Variants in GIMAP2 observed in about 807,000 individuals in gnomAD.
GIMAP2 encodes the protein GTPase IMAP family member 2.
GIMAP2 carries 22 observed loss-of-function variants against 25.5 expected under a neutral mutation model. The ratio of observed to expected loss-of-function variants is 0.86; its 90% CI spans 0.62 to 1.23. GIMAP2 has a LOEUF of 1.23. GIMAP2 is among the 50% of genes most tolerant of loss of function. The probability of loss-of-function intolerance (pLI) is 0.00; values close to 1 mark genes in which losing one functional copy is unlikely to be tolerated. For missense variants in GIMAP2, 422 were observed against 395.7 expected (o/e 1.07, Z -0.56); for synonymous variants, 167 against 143.0 (o/e 1.17, Z -1.20).
chr7:150,692,728 A>G lies in GIMAP2; in HGVS notation c.442A>G (p.Lys148Glu), dbSNP rs375623579. 5 of 1,614,060 alleles carry G rather than the reference A, an allele frequency of 3.1e-6. No individual in the cohort carries two copies. The African/African-American group carries it at 4.0e-5, about 13-fold the overall frequency. ...ACACACAATTGTCCTCTTTACCCACAAGGAAGACCTCAATGGTGGCTCCCT... is the reference window on the plus strand; with the variant it reads ...ACACACAATTGTCCTCTTTACCCACGAGGAAGACCTCAATGGTGGCTCCCT... ...MGHTIVLFTHKEDLNGGSLMD... is the reference protein window; with the variant it reads ...MGHTIVLFTHEEDLNGGSLMD... The change falls in exon 3 of 3, where the codon AAG becomes GAG. Residue 148 changes from lysine (K) to glutamate (E), a missense_variant. Lys to Glu is a moderately conservative substitution (Grantham distance 56, BLOSUM62 1). Transcript: ENST00000223293.
chr7:150,686,382 G>A (rs1796900483), intron 1 of GIMAP2, among the ~76,000 whole-genome samples: 1 of 152,126 alleles, frequency 6.6e-6, no homozygotes, highest in Admixed American at 6.6e-5. Flanking sequence ...GGAGGACTGA[G>A]CCTAAGGTGT....
intron 2 of GIMAP2, among the ~76,000 whole-genome samples, chr7:150,688,478 A>C (rs879610302): frequency 6.6e-6 from 1 of 152,222 alleles, no homozygotes; most frequent in Non-Finnish European, 1.5e-5. Flanking sequence ...CTTTCTGATT[A>C]ATAGAGACTA....
At position 150,692,825 on chromosome 7, in the gene GIMAP2, G is replaced by A. The variant is rs1052411631; in HGVS notation, c.539G>A (p.Cys180Tyr). Residue 180 changes from cysteine (C) to tyrosine (Y), a missense_variant, in exon 3 of 3, where the codon TGT becomes TAT. By Grantham distance (194) the Cys-to-Tyr change is radical. Coordinates refer to ENST00000223293, the MANE Select transcript of GIMAP2 (RefSeq NM_015660.3). ...GTGGCAGCATGTGGTGGGCGAATCT[G>A]TGCCTTTAATAACCGTGCTGAAGGG... ...KLVAACGGRI[C>Y]AFNNRAEGSN... is the part of the protein sequence containing the mutation. 6.8e-6 allele frequency: 11 copies of A among 1,614,110 alleles called. No homozygotes were observed. The highest frequency in any genetic ancestry group is 8.5e-6 in the Non-Finnish European group (10 of 1,180,048).
intron 2 of GIMAP2, among the ~76,000 whole-genome samples, chr7:150,690,643 G>C (rs986342535): frequency 6.6e-6 from 1 of 152,174 alleles, no homozygotes; most frequent in Admixed American, 6.5e-5. Flanking sequence ...CTATAAGGAG[G>C]TTGCTATAAA....
At chr7:150,686,960 A>ATG in intron 1 of GIMAP2, 92 bp from the exon 2 acceptor site, 3 of 450,102 alleles carry the variant, frequency 6.7e-6, no homozygotes, top group Non-Finnish European at 1.1e-5. Context: ...AAAAAAAAAA[A>ATG]AAAGAAAGAA....
At chr7:150,685,877 C>A in intron 1 of GIMAP2, 92 bp downstream of exon 1, 1 of 371,612 alleles carries the variant, frequency 2.7e-6, no homozygotes, top group Non-Finnish European at 3.7e-6. Flanking sequence ...ACAAATTTGT[C>A]CTATTTTAAG....
In GIMAP2 at chr7:150,692,305, C is replaced by G. The variant is rs755377156; in HGVS notation, c.29-10C>G. 24 of 1,609,358 alleles carry G rather than the reference C, an allele frequency of 1.5e-5. No homozygotes were observed. The highest frequency in any genetic ancestry group is 2.0e-5 in the Non-Finnish European group (24 of 1,176,244). ...GTGTAGCGATAACACAGTAAACTTG[C>G]TCCTCACAGGACCACATGCAAAGGG... is the stretch of plus-strand genomic sequence containing the variant. On this transcript the variant is annotated splice_polypyrimidine_tract_variant and intron_variant, in intron 2 of 2. Coordinates refer to ENST00000223293, the MANE Select transcript of GIMAP2 (RefSeq NM_015660.3).
intron 2 of GIMAP2, among the ~76,000 whole-genome samples, chr7:150,691,510 A>G (rs1448096363): frequency 6.6e-6 from 1 of 152,310 alleles, no homozygotes; most frequent in Middle Eastern, 3.4e-3. Flanking sequence ...TATCCTTTAT[A>G]AGATATCAGT....
rs1234844798 is a variant in GIMAP2 at position 150,687,354 on chromosome 7, C to T, written c.28+267C>T. ...GTGGCGCAATCTCGGCTCACTGCAA[C>T]CTCCACCTCCCAGGTTCAAGTGATT... On this transcript the variant is annotated intron_variant, in intron 2 of 2. Transcript: ENST00000223293. The T allele has an allele frequency of 1.2e-5, 4 of 335,690 alleles. No individual in the cohort carries two copies. The East Asian group carries it at 1.9e-4, about 16-fold the overall frequency. 20.8% of individuals were successfully genotyped at this position (335,690 alleles called of 1,614,324 possible). A position where few individuals can be genotyped will look rare whatever the true frequency, so the allele number is the denominator to read the frequency against.
rs73476573 is a variant in GIMAP2, at chr7:150,693,357, T to G, written c.*57T>G. On this transcript the variant is annotated 3_prime_UTR_variant, in exon 3 of 3. Transcript: ENST00000223293. ...CATTTAGTGGGTGAATCACAGTAATTTCCCTGTAAAATGTGGTACCTGAAG... is the reference window on the plus strand; with the variant it reads ...CATTTAGTGGGTGAATCACAGTAATGTCCCTGTAAAATGTGGTACCTGAAG... The G allele has an allele frequency of 3.1e-3, 3,636 of 1,189,644 alleles. 80 individuals are homozygous for G. The African/African-American group carries it at 0.048, about 16-fold the overall frequency. The allele number at this position is 1,189,644 out of a possible 1,614,324, so 73.7% of individuals were successfully genotyped here.
chr7:150,689,807 C>T (rs967043289), intron 2 of GIMAP2: 2 of 398,214 alleles, frequency 5.0e-6, no homozygotes, highest in Non-Finnish European at 8.9e-6. Flanking sequence ...GTTCAAATGC[C>T]AGCTTTTTCA....
intron 2 of GIMAP2, 38 bp downstream of exon 2, chr7:150,687,125 T>C (rs763259699): frequency 7.0e-6 from 7 of 1,002,840 alleles, no homozygotes; most frequent in Middle Eastern, 2.5e-4. Context: ...TGTGTGTGTG[T>C]GTGTGTGTGT....
Position 150,692,962 on chromosome 7 carries a change from A to G in GIMAP2, c.676A>G (p.Lys226Glu). The change falls in exon 3 of 3, where the codon AAA becomes GAA. Residue 226 changes from lysine to glutamate, a missense_variant. By Grantham distance (56) the Lys-to-Glu change is moderately conservative (BLOSUM62 1). Coordinates refer to ENST00000223293, the MANE Select transcript of GIMAP2 (RefSeq NM_015660.3). ...GTTGTACAGCCTAATACAGAGGTCT[A>G]AATGTGGACCTGTGGGATCAGATGA... is the stretch of plus-strand genomic sequence containing the variant. ...NGLYSLIQRS[K>E]CGPVGSDERV... 6.2e-7 allele frequency: 1 copy of G among 1,614,132 alleles called. No homozygotes were observed. Among genetic ancestry groups the G allele is most frequent in the Non-Finnish European group, 8.5e-7 (1 of 1,179,944 alleles).
chr7:150,687,226 C>A (rs1385170684), intron 2 of GIMAP2, 139 bp downstream of exon 2: 7 of 697,410 alleles, frequency 1.0e-5, no homozygotes, highest in South Asian at 1.9e-5. Context: ...CCACAGCTAC[C>A]ACCACCAGCA....
intron 2 of GIMAP2, among the ~76,000 whole-genome samples, chr7:150,691,164 C>T (rs921117354): frequency 6.6e-6 from 1 of 152,202 alleles, no homozygotes; most frequent in Non-Finnish European, 1.5e-5. Flanking sequence ...CCTCAAGAGC[C>T]AGAGTCACCC....
Position 150,688,427 on chromosome 7 carries a change from G to T in GIMAP2, c.28+1340G>T, listed in dbSNP as rs117573574. 9.9e-3 allele frequency among the ~76,000 whole-genome samples: 1,501 copies of T among 152,220 alleles called. 12 individuals carry two copies. The highest frequency in any genetic ancestry group is 0.015 in the Admixed American group (231 of 15,294). Reference sequence around the variant, plus strand: ...ATTACAGGCGTGAGCCACCACGCCCGGCCACAATCTTGATTTATTGATGCC... The same window carrying T: ...ATTACAGGCGTGAGCCACCACGCCCTGCCACAATCTTGATTTATTGATGCC... On this transcript the variant is annotated intron_variant, in intron 2 of 2. Coordinates refer to ENST00000223293, the MANE Select transcript of GIMAP2 (RefSeq NM_015660.3).
chr7:150,687,188 A>G, intron 2 of GIMAP2, 101 bp downstream of exon 2: 1 of 1,036,756 alleles, frequency 9.6e-7, no homozygotes, highest in South Asian at 1.3e-5. Context: ...GGCAAAATAA[A>G]CAAGGGTGAA....
rs1451441438 is a variant in GIMAP2 at position 150,692,868 on chromosome 7, A to C, written c.582A>C (p.Gln194His). ...NRAEGSNQDD[Q>H]VKELMDCIED... ...CTGAAGGGAGCAATCAGGATGACCA[A>C]GTGAAGGAACTAATGGACTGTATTG... Residue 194 changes from glutamine to histidine, a missense_variant, in exon 3 of 3, where the codon CAA (glutamine) becomes CAC (histidine). Transcript: ENST00000223293. The C allele has an allele frequency of 2.5e-6, 4 of 1,614,228 alleles. No homozygotes were observed. The highest frequency in any genetic ancestry group is 3.4e-6 in the Non-Finnish European group (4 of 1,180,032).
chr7:150,692,600 G>A lies in GIMAP2; in HGVS notation c.314G>A (p.Gly105Glu), dbSNP rs1796979871. The A allele has an allele frequency of 2.5e-6, 4 of 1,613,994 alleles. No homozygotes were observed. The Admixed American group carries it at 5.0e-5, about 20-fold the overall frequency. Reference protein sequence around the residue: ...VQRCYLLSAPGPHVLLLVTQL... With the variant: ...VQRCYLLSAPEPHVLLLVTQL... Reference sequence around the variant, plus strand: ...AGGTGCTACTTGCTGTCTGCACCAGGACCCCATGTGCTGCTCCTGGTGACT... The same window carrying A: ...AGGTGCTACTTGCTGTCTGCACCAGAACCCCATGTGCTGCTCCTGGTGACT... Residue 105 changes from glycine (G) to glutamate (E), a missense_variant, in exon 3 of 3, where the codon GGA becomes GAA. Gly to Glu is a moderately conservative substitution (Grantham distance 98). Coordinates refer to ENST00000223293, the MANE Select transcript of GIMAP2 (RefSeq NM_015660.3).
Sources: allele counts gnomAD v4.1 joint callset (sites outside exome capture counted in the v4.1 genomes callset), GRCh38; gene constraint gnomAD v4.1.1; transcripts MANE v1.5; gene names NCBI Gene and HGNC (gene_info 2026-07-23, HGNC 2026-07-21).